Variants in GAREM2 observed in about 807,000 individuals in gnomAD.
The protein encoded by GAREM2 is GRB2 associated regulator of MAPK1 subtype 2.
A neutral mutation model predicts 55.6 loss-of-function variants in GAREM2; 30 were observed. That is an observed-to-expected ratio of 0.54 (90% confidence interval 0.40 to 0.73). The LOEUF is 0.73. Ranked by LOEUF, GAREM2 falls within the 30% of genes least tolerant of loss-of-function variation. GAREM2 has a pLI of 0.00. For synonymous variants in GAREM2, 550 were observed against 569.1 expected, an observed-to-expected ratio of 0.97 and a Z score of 0.48; for missense variants, 1,075 against 1,257.7, an observed-to-expected ratio of 0.85 and a Z score of 2.20.
chr2:26,201,546 T>C, the GAREM2 span, among the ~76,000 whole-genome samples: 3 of 152,322 alleles, frequency 2.0e-5, no homozygotes, highest in East Asian at 5.8e-4. Context: ...AACTCCCAAG[T>C]ACACATTCTT....
rs1471244655 is a variant in GAREM2 at position 26,188,496 on chromosome 2, C to G, written c.*239C>G. 2 of 388,550 alleles carry G rather than the reference C, an allele frequency of 5.1e-6. No homozygotes were observed. Among genetic ancestry groups the G allele is most frequent in the African/African-American group, 2.1e-5 (1 of 48,464 alleles). 24.1% of individuals were successfully genotyped at this position (388,550 alleles called of 1,614,324 possible). ...CATGGGGAAGGGGCTGGGGGCACCA[C>G]TGTGTACCTGGGCCCAGTAAGGCAT... On this transcript the variant is annotated 3_prime_UTR_variant, in exon 6 of 6. Transcript: ENST00000401533.
At chr2:26,185,346 G>T in intron 4 of GAREM2, 70 bp downstream of exon 4, 3 of 1,418,704 alleles carry the variant, frequency 2.1e-6, no homozygotes, top group Non-Finnish European at 2.7e-6. Context: ...CTGGGCCCCG[G>T]CCCCGGAGTA....
Position 26,188,016 on chromosome 2 carries a change from G to A in GAREM2, c.2384G>A (p.Arg795Gln), listed in dbSNP as rs750313344. 8.1e-6 allele frequency: 12 copies of A among 1,489,922 alleles called. No individual in the cohort carries two copies. The highest frequency in any genetic ancestry group is 4.5e-5 in the Admixed American group (2 of 44,738). 92.3% of individuals were successfully genotyped at this position (1,489,922 alleles called of 1,614,324 possible). ...GATGGAGCCACAGGCTTTGGAGTCC[G>A]AGATGCCTCCTCCTGGCAGCCCCCT... is the stretch of plus-strand genomic sequence containing the variant. ...PRDGATGFGV[R>Q]DASSWQPPAD... The change falls in exon 6 of 6, where the codon CGA (arginine) becomes CAA (glutamine). Residue 795 changes from arginine (R) to glutamine (Q), a missense_variant. Physicochemically the swap from Arg to Gln is conservative, Grantham distance 43. This residue lies in a region of GAREM2 where 142 missense variants were observed against 172.3 expected (regional missense o/e 0.82). Coordinates refer to ENST00000401533, the MANE Select transcript of GAREM2 (RefSeq NM_001168241.2).
chr2:26,191,121 CAG>C (rs1558313121), downstream of GAREM2: 9 of 915,328 alleles, frequency 9.8e-6, no homozygotes, highest in African/African-American at 3.3e-5. Flanking sequence ...GCACTTTAAT[CAG>C]GGAGCAAACC....
At chr2:26,191,466 C>T (rs775606155), downstream of GAREM2, 1 of 1,614,160 alleles carries the variant, frequency 6.2e-7, no homozygotes, top group East Asian at 2.2e-5. Flanking sequence ...GCTTCCTTCC[C>T]AACCTGCGAG....
chr2:26,201,128 G>A, the GAREM2 span: 4 of 1,584,324 alleles, frequency 2.5e-6, no homozygotes, highest in Non-Finnish European at 1.7e-6. Flanking sequence ...TAGGATTCAA[G>A]TACAACAGCC....
rs150554469 is a variant in GAREM2, at chr2:26,183,529, G to A, written c.384+432G>A. ...AACTGAGGCCAGGAGTTTGAGACCA[G>A]CCTGGGCAACATGGAGAGACCCTGT... On this transcript the variant is annotated intron_variant, in intron 3 of 5. Coordinates refer to ENST00000401533, the MANE Select transcript of GAREM2 (RefSeq NM_001168241.2). Among the ~76,000 whole-genome samples the A allele has an allele frequency of 7.9e-3, 1,208 of 152,324 alleles. 12 individuals are homozygous for A. The highest frequency in any genetic ancestry group is 0.024 in the Middle Eastern group (7 of 294).
In GAREM2 at chr2:26,173,121, C is replaced by G; in HGVS notation, c.-100C>G. ...CCCGGCGGGGCTGCCAGGCGGCGAG[C>G]GCCGCGGCGGCCCCGGGAGGTGGCG... On this transcript the variant is annotated 5_prime_UTR_variant, in exon 1 of 6. Transcript: ENST00000401533. 5.0e-6 allele frequency: 1 copy of G among 201,860 alleles called. No individual in the cohort carries two copies. The highest frequency in any genetic ancestry group is 8.5e-6 in the Non-Finnish European group (1 of 117,502). The allele number at this position is 201,860 out of a possible 1,614,324, so 12.5% of individuals were successfully genotyped here.
At chr2:26,197,600 C>T in the GAREM2 span, 1 of 776,682 alleles carries the variant, frequency 1.3e-6, no homozygotes, top group Non-Finnish European at 2.4e-6. Flanking sequence ...ACTCCGTAAT[C>T]CACTGTCTCT....
Position 26,187,525 on chromosome 2 carries a change from C to T in GAREM2, c.1893C>T (p.Asn631=), listed in dbSNP as rs2147741819. Residue 631 remains asparagine (N), a synonymous_variant, in exon 6 of 6, where the codon AAC becomes AAT. Transcript: ENST00000401533. ...GCTTTGCTCCGTTTGGAGCTCTCAA[C>T]CCTTTTTCCGGGCCTGCCTACCCCT... is the stretch of plus-strand genomic sequence containing the variant. ...QKRFAPFGAL[N]PFSGPAYPSG... is the part of the protein sequence containing the mutation. The T allele has an allele frequency of 1.3e-6, 2 of 1,537,482 alleles. No homozygotes were observed. Among genetic ancestry groups the T allele is most frequent in the East Asian group, 2.5e-5 (1 of 40,802 alleles).
At chr2:26,191,336 A>G, downstream of GAREM2, 1 of 1,614,056 alleles carries the variant, frequency 6.2e-7, no homozygotes, top group East Asian at 2.2e-5. Context: ...GCAGCTTCAT[A>G]TTTCTTGAGC....
chr2:26,203,685 G>C, the GAREM2 span, among the ~76,000 whole-genome samples: 1 of 152,160 alleles, frequency 6.6e-6, no homozygotes, highest in Admixed American at 6.5e-5. Flanking sequence ...CATGCTGTTT[G>C]AATAATCCTT....
chr2:26,192,516 G>GCCACCACGCC, downstream of GAREM2: 1 of 787,164 alleles, frequency 1.3e-6, no homozygotes, highest in Non-Finnish European at 2.3e-6. Flanking sequence ...GCCAGGCGTG[G>GCCACCACGCC]TGGCTCACGC....
At chr2:26,196,865 G>A in the GAREM2 span, among the ~76,000 whole-genome samples, 7 of 152,204 alleles carry the variant, frequency 4.6e-5, no homozygotes, top group East Asian at 1.2e-3. Context: ...GTAGACTATC[G>A]GCTGCAACTT....
chr2:26,174,876 A>T (rs544163928), intron 1 of GAREM2, among the ~76,000 whole-genome samples: 1 of 152,254 alleles, frequency 6.6e-6, no homozygotes, highest in Admixed American at 6.5e-5. Flanking sequence ...ATGAGCCATG[A>T]TTACTGCTGT....
Position 26,180,940 on chromosome 2 carries a change from C to T in GAREM2, c.254-2027C>T, listed in dbSNP as rs1053416735. The T allele has an allele frequency of 6.1e-6, 6 of 985,388 alleles. No homozygotes were observed. In the South Asian group the frequency reaches 2.3e-4, roughly 39 times the overall value. 61.0% of individuals were successfully genotyped at this position (985,388 alleles called of 1,614,324 possible). A position where few individuals can be genotyped will look rare whatever the true frequency, so the allele number is the denominator to read the frequency against. ...CCTGCCATCTCCATTTCTGACCAGG[C>T]TGGTGGCCTGAGTACATCATCCTGA... On this transcript the variant is annotated intron_variant, in intron 2 of 5. Transcript: ENST00000401533.
chr2:26,179,983 C>T lies in GAREM2; in HGVS notation c.254-2984C>T, dbSNP rs925141104. On this transcript the variant is annotated intron_variant, in intron 2 of 5. Transcript: ENST00000401533. The surrounding 1 kb of genome is among the most constrained non-coding windows in gnomAD (Gnocchi z 4.7). Reference sequence around the variant, plus strand: ...AGGCGGGAGTGAGGGGAGGAGGCTACTCAGTGCCTGCAGTTCCTGCTTCCC... The same window carrying T: ...AGGCGGGAGTGAGGGGAGGAGGCTATTCAGTGCCTGCAGTTCCTGCTTCCC... Among the ~76,000 whole-genome samples the T allele has an allele frequency of 1.2e-4, 18 of 152,102 alleles. No homozygotes were observed.
chr2:26,186,092 G>A, intron 4 of GAREM2, 97 bp from the exon 5 acceptor site: 1 of 1,233,842 alleles, frequency 8.1e-7, no homozygotes, highest in East Asian at 2.6e-5. Flanking sequence ...GCAAATGTCA[G>A]GCCCAGACAG....
At chr2:26,182,846 C>T in intron 2 of GAREM2, 121 bp from the exon 3 acceptor site, 1 of 1,272,752 alleles carries the variant, frequency 7.9e-7, no homozygotes, top group South Asian at 1.5e-5. Context: ...CTTTGGCCCT[C>T]CTGAGTTCCT....
Sources: allele counts gnomAD v4.1 joint callset (sites outside exome capture counted in the v4.1 genomes callset), GRCh38; gene constraint gnomAD v4.1.1; regional missense constraint gnomAD v4.1.1; non-coding constraint Gnocchi (gnomAD v3.1); transcripts MANE v1.5; gene names NCBI Gene and HGNC (gene_info 2026-07-23, HGNC 2026-07-21).